Variants in H1-2 observed in about 807,000 individuals in gnomAD.
H1-2 encodes the protein histone H1.2.
Under a neutral mutation model 7.2 loss-of-function variants are expected in H1-2, and 7 were observed. The observed-to-expected ratio is 0.97, with a 90% CI of 0.55 to 1.82. H1-2 has a LOEUF of 1.82. H1-2 is among the 40% of genes most tolerant of loss of function. The probability of loss-of-function intolerance (pLI) is 0.00; values close to 1 mark genes in which losing one functional copy is unlikely to be tolerated. For synonymous variants in H1-2, 300 were observed against 118.2 expected, an observed-to-expected ratio of 2.54 and a Z score of -9.98; for missense variants, 703 against 276.6, an observed-to-expected ratio of 2.54 and a Z score of -10.94.
Position 26,056,302 on chromosome 6 carries a change from G to A in H1-2, c.127C>T (p.Leu43Phe), listed in dbSNP as rs371558085. The A allele has an allele frequency of 1.4e-5, 22 of 1,614,030 alleles. No individual in the cohort carries two copies. The highest frequency in any genetic ancestry group is 1.8e-5 in the Non-Finnish European group (21 of 1,179,980). The part of the protein sequence containing the change: ...RKASGPPVSE[L>F]ITKAVAASKE... Reference sequence around the variant, plus strand: ...GAGGCGGCCACAGCCTTGGTGATGAGCTCTGACACCGGGGGACCAGACGCC... The same window carrying A: ...GAGGCGGCCACAGCCTTGGTGATGAACTCTGACACCGGGGGACCAGACGCC... The change falls in exon 1 of 1, where the codon CTC becomes TTC. Residue 43 changes from leucine (L) to phenylalanine (F), a missense_variant. Physicochemically the swap from Leu to Phe is conservative, Grantham distance 22. Coordinates refer to ENST00000343677, the MANE Select transcript of H1-2 (RefSeq NM_005319.4).
rs750505144 is a variant in H1-2, at chr6:26,055,796, C to T, written c.633G>A (p.Lys211=). The T allele has an allele frequency of 3.3e-5, 53 of 1,592,846 alleles. No individual in the cohort carries two copies. Among genetic ancestry groups the T allele is most frequent in the Admixed American group, 1.9e-4 (10 of 53,026 alleles). Residue 211 remains lysine (K), a synonymous_variant, in exon 1 of 1, where the codon AAG becomes AAA. Coordinates refer to ENST00000343677, the MANE Select transcript of H1-2 (RefSeq NM_005319.4). ...AGAAGTAGGCGTTCGCCTATTTCTT[C>T]TTGGGCGCCGCCTTCTTAGGCTTGA... ...KVVKPKKAAP[K]KK
chr6:26,056,361 T>G lies in H1-2; in HGVS notation c.68A>C (p.Lys23Thr), dbSNP rs772747489. Residue 23 changes from lysine to threonine, a missense_variant, in exon 1 of 1, where the codon AAG (lysine) becomes ACG (threonine). By Grantham distance (78) the Lys-to-Thr change is moderately conservative. Coordinates refer to ENST00000343677, the MANE Select transcript of H1-2 (RefSeq NM_005319.4). ...CGTACCCCCAGCCTTTTTGGCCGCC[T>G]TCTTCTTTACAGGGGCCTTCTCCGC... The part of the protein sequence containing the change: ...PPAEKAPVKK[K>T]AAKKAGGTPR... The G allele has an allele frequency of 1.1e-4, 183 of 1,613,168 alleles. No homozygotes were observed. The highest frequency in any genetic ancestry group is 1.4e-4 in the Non-Finnish European group (161 of 1,179,628).
Position 26,056,102 on chromosome 6 carries a change from C to G in H1-2, c.327G>C (p.Lys109Asn). Reference protein sequence around the residue: ...TGASGSFKLNKKAASGEAKPK... With the variant: ...TGASGSFKLNNKAASGEAKPK... Reference sequence around the variant, plus strand: ...GCTTGGCTTCCCCGGAGGCTGCCTTCTTGTTGAGTTTAAAGGAGCCAGAAG... The same window carrying G: ...GCTTGGCTTCCCCGGAGGCTGCCTTGTTGTTGAGTTTAAAGGAGCCAGAAG... Residue 109 changes from lysine to asparagine, a missense_variant, in exon 1 of 1, where the codon AAG (lysine) becomes AAC (asparagine). Coordinates refer to ENST00000343677, the MANE Select transcript of H1-2 (RefSeq NM_005319.4). The G allele has an allele frequency of 2.5e-6, 4 of 1,614,194 alleles. No individual in the cohort carries two copies. The highest frequency in any genetic ancestry group is 3.4e-6 in the Non-Finnish European group (4 of 1,180,026).
At position 26,056,260 on chromosome 6, in the gene H1-2, C is replaced by T. The variant is rs1581645968; in HGVS notation, c.169G>A (p.Val57Ile). The change falls in exon 1 of 1, where the codon GTT becomes ATT. Residue 57 changes from valine to isoleucine, a missense_variant. By Grantham distance (29) the Val-to-Ile change is conservative (BLOSUM62 3). Transcript: ENST00000343677. The part of the protein sequence containing the change: ...AVAASKERSG[V>I]SLAALKKALA... ...GCTTTTTTCAGAGCAGCCAGAGAAA[C>T]TCCGCTACGCTCTTTAGAGGCGGCC... is the stretch of plus-strand genomic sequence containing the variant. 6.2e-6 allele frequency: 10 copies of T among 1,614,266 alleles called. No homozygotes were observed. The highest frequency in any genetic ancestry group is 5.9e-6 in the Non-Finnish European group (7 of 1,180,050).
Position 26,056,094 on chromosome 6 carries a change from G to A in H1-2, c.335C>T (p.Ala112Val), listed in dbSNP as rs147786267. Reference sequence around the variant, plus strand: ...AACCTTGGGCTTGGCTTCCCCGGAGGCTGCCTTCTTGTTGAGTTTAAAGGA... The same window carrying A: ...AACCTTGGGCTTGGCTTCCCCGGAGACTGCCTTCTTGTTGAGTTTAAAGGA... The part of the protein sequence containing the change: ...SGSFKLNKKA[A>V]SGEAKPKVKK... Residue 112 changes from alanine to valine, a missense_variant, in exon 1 of 1, where the codon GCC becomes GTC. Coordinates refer to ENST00000343677, the MANE Select transcript of H1-2 (RefSeq NM_005319.4). 2.7e-5 allele frequency: 44 copies of A among 1,614,196 alleles called. No homozygotes were observed. Among genetic ancestry groups the A allele is most frequent in the African/African-American group, 9.3e-5 (7 of 75,062 alleles).
Position 26,056,448 on chromosome 6 carries a change from G to A in H1-2, c.-20C>T, listed in dbSNP as rs778395124. On this transcript the variant is annotated 5_prime_UTR_variant, in exon 1 of 1. Transcript: ENST00000343677. ...GGACATGTTGAGAATCAAAAACTCG[G>A]GTACAAGTGGCAAAGCGCCGATGAA... The A allele has an allele frequency of 1.4e-5, 21 of 1,548,734 alleles. No individual in the cohort carries two copies. Among genetic ancestry groups the A allele is most frequent in the Middle Eastern group, 3.5e-4 (2 of 5,720 alleles).
Position 26,056,106 on chromosome 6 carries a change from T to G in H1-2, c.323A>C (p.Asn108Thr), listed in dbSNP as rs752635916. 1.2e-6 allele frequency: 2 copies of G among 1,614,208 alleles called. No individual in the cohort carries two copies. Among genetic ancestry groups the G allele is most frequent in the Non-Finnish European group, 1.7e-6 (2 of 1,180,036 alleles). The change falls in exon 1 of 1, where the codon AAC (asparagine) becomes ACC (threonine). Residue 108 changes from asparagine (N) to threonine (T), a missense_variant. By Grantham distance (65) the Asn-to-Thr change is moderately conservative. Coordinates refer to ENST00000343677, the MANE Select transcript of H1-2 (RefSeq NM_005319.4). The part of the protein sequence containing the change: ...GTGASGSFKL[N>T]KKAASGEAKP... Reference sequence around the variant, plus strand: ...GGCTTCCCCGGAGGCTGCCTTCTTGTTGAGTTTAAAGGAGCCAGAAGCACC... The same window carrying G: ...GGCTTCCCCGGAGGCTGCCTTCTTGGTGAGTTTAAAGGAGCCAGAAGCACC...
rs373098851 is a variant in H1-2 at position 26,055,750 on chromosome 6, G to C, written c.*37C>G. 6.5e-7 allele frequency: 1 copy of C among 1,547,542 alleles called. No individual in the cohort carries two copies. Among genetic ancestry groups the C allele is most frequent in the Non-Finnish European group, 8.7e-7 (1 of 1,147,316 alleles). On this transcript the variant is annotated 3_prime_UTR_variant, in exon 1 of 1. Coordinates refer to ENST00000343677, the MANE Select transcript of H1-2 (RefSeq NM_005319.4). ...TTTTATTGAGATCAGTGGTGGCTCT[G>C]AAAAGAGCCTTTTGGGTTTTAGAAG...
In H1-2 at chr6:26,056,288, A is replaced by G. The variant is rs1581646032; in HGVS notation, c.141T>C (p.Ala47=). The G allele has an allele frequency of 6.2e-7, 1 of 1,614,164 alleles. No individual in the cohort carries two copies. Among genetic ancestry groups the G allele is most frequent in the Non-Finnish European group, 8.5e-7 (1 of 1,179,990 alleles). Residue 47 remains alanine (A), a synonymous_variant, in exon 1 of 1, where the codon GCT becomes GCC. Coordinates refer to ENST00000343677, the MANE Select transcript of H1-2 (RefSeq NM_005319.4). ...CGCTACGCTCTTTAGAGGCGGCCAC[A>G]GCCTTGGTGATGAGCTCTGACACCG... The part of the protein sequence containing the change: ...GPPVSELITK[A]VAASKERSGV...
Position 26,055,899 on chromosome 6 carries a change from G to A in H1-2, c.530C>T (p.Ala177Val), listed in dbSNP as rs751037091. Residue 177 changes from alanine to valine, a missense_variant, in exon 1 of 1, where the codon GCC (alanine) becomes GTC (valine). Physicochemically the swap from Ala to Val is moderately conservative, Grantham distance 64. Coordinates refer to ENST00000343677, the MANE Select transcript of H1-2 (RefSeq NM_005319.4). ...TKKVAKSPKK[A>V]KVAKPKKAAK... Reference sequence around the variant, plus strand: ...AGCTTTCTTGGGCTTCGCAACCTTGGCCTTCTTTGGGCTCTTAGCCACTTT... The same window carrying A: ...AGCTTTCTTGGGCTTCGCAACCTTGACCTTCTTTGGGCTCTTAGCCACTTT... 13 of 1,614,038 alleles carry A rather than the reference G, an allele frequency of 8.1e-6. No homozygotes were observed. The highest frequency in any genetic ancestry group is 5.5e-5 in the South Asian group (5 of 91,080).
Position 26,056,055 on chromosome 6 carries a change from C to T in H1-2, c.374G>A (p.Gly125Glu), listed in dbSNP as rs1459637809. The T allele has an allele frequency of 6.2e-7, 1 of 1,614,148 alleles. No homozygotes were observed. The change falls in exon 1 of 1, where the codon GGA becomes GAA. Residue 125 changes from glycine (G) to glutamate (E), a missense_variant. Transcript: ENST00000343677. ...CCCAACTGGCTTCTTAGGTTTGGTT[C>T]CGCCCGCCTTTTTAACCTTGGGCTT... ...EAKPKVKKAG[G>E]TKPKKPVGAA...
Position 26,056,117 on chromosome 6 carries a change from G to C in H1-2, c.312C>G (p.Ser104=). 6.2e-7 allele frequency: 1 copy of C among 1,614,216 alleles called. No homozygotes were observed. The highest frequency in any genetic ancestry group is 8.5e-7 in the Non-Finnish European group (1 of 1,180,038). ...AGGCTGCCTTCTTGTTGAGTTTAAA[G>C]GAGCCAGAAGCACCGGTGCCTTTCG... ...VQTKGTGASG[S]FKLNKKAASG... is the part of the protein sequence containing the mutation. Residue 104 remains serine, a synonymous_variant, in exon 1 of 1, where the codon TCC becomes TCG. Transcript: ENST00000343677.
Position 26,056,189 on chromosome 6 carries a change from G to T in H1-2, c.240C>A (p.Ile80=). 6.2e-7 allele frequency: 1 copy of T among 1,614,208 alleles called. No individual in the cohort carries two copies. Among genetic ancestry groups the T allele is most frequent in the Non-Finnish European group, 8.5e-7 (1 of 1,180,038 alleles). Residue 80 remains isoleucine (I), a synonymous_variant, in exon 1 of 1, where the codon ATC becomes ATA. Transcript: ENST00000343677. ...TCACCAGGCTCTTGAGACCAAGTTT[G>T]ATACGGCTGTTGTTTTTCTCCACAT... is the stretch of plus-strand genomic sequence containing the variant. ...GYDVEKNNSR[I]KLGLKSLVSK... is the part of the protein sequence containing the mutation.
chr6:26,056,384 C>A lies in H1-2; in HGVS notation c.45G>T (p.Ala15=). 1.2e-6 allele frequency: 2 copies of A among 1,603,276 alleles called. No homozygotes were observed. The highest frequency in any genetic ancestry group is 1.7e-6 in the Non-Finnish European group (2 of 1,174,802). ...APAAPAAAPP[A]EKAPVKKKAA... ...CCTTCTTCTTTACAGGGGCCTTCTCCGCAGGAGGCGCGGCAGCGGGAGCGG... is the reference window on the plus strand; with the variant it reads ...CCTTCTTCTTTACAGGGGCCTTCTCAGCAGGAGGCGCGGCAGCGGGAGCGG... Residue 15 remains alanine, a synonymous_variant, in exon 1 of 1, where the codon GCG becomes GCT. Transcript: ENST00000343677.
chr6:26,056,047 GTTTGGTTC>G lies in H1-2; in HGVS notation c.374_381del (p.Gly125AlafsTer2). On this transcript the variant is annotated frameshift_variant, in exon 1 of 1. Coordinates refer to ENST00000343677, the MANE Select transcript of H1-2 (RefSeq NM_005319.4). LOFTEE classifies it high-confidence loss of function. ...TTGGCTGCCCCAACTGGCTTCTTAG[GTTTGGTTC>G]CGCCCGCCTTTTTAACCTTGGGCTT... The G allele has an allele frequency of 6.2e-7, 1 of 1,614,132 alleles. No homozygotes were observed. The highest frequency in any genetic ancestry group is 8.5e-7 in the Non-Finnish European group (1 of 1,180,034).
Position 26,056,095 on chromosome 6 carries a change from C to T in H1-2, c.334G>A (p.Ala112Thr), listed in dbSNP as rs770255220. 24 of 1,614,102 alleles carry T rather than the reference C, an allele frequency of 1.5e-5. No homozygotes were observed. The East Asian group carries it at 4.0e-4, about 27-fold the overall frequency. The change falls in exon 1 of 1, where the codon GCC becomes ACC. Residue 112 changes from alanine to threonine, a missense_variant. Transcript: ENST00000343677. Reference sequence around the variant, plus strand: ...ACCTTGGGCTTGGCTTCCCCGGAGGCTGCCTTCTTGTTGAGTTTAAAGGAG... The same window carrying T: ...ACCTTGGGCTTGGCTTCCCCGGAGGTTGCCTTCTTGTTGAGTTTAAAGGAG... ...SGSFKLNKKA[A>T]SGEAKPKVKK...
rs149712381 is a variant in H1-2 at position 26,056,013 on chromosome 6, T to G, written c.416A>C (p.Lys139Thr). The G allele has an allele frequency of 1.9e-6, 3 of 1,613,554 alleles. No individual in the cohort carries two copies. The highest frequency in any genetic ancestry group is 2.5e-6 in the Non-Finnish European group (3 of 1,179,724). The change falls in exon 1 of 1, where the codon AAG (lysine) becomes ACG (threonine). Residue 139 changes from lysine (K) to threonine (T), a missense_variant. Lys to Thr is a moderately conservative substitution (Grantham distance 78). Coordinates refer to ENST00000343677, the MANE Select transcript of H1-2 (RefSeq NM_005319.4). ...CGGAGTTGCGCCGCCAGCCGCCTTC[T>G]TGGGCTTCTTGGCTGCCCCAACTGG... ...KKPVGAAKKP[K>T]KAAGGATPKK...
rs200833367 is a variant in H1-2, at chr6:26,056,358, G to A, written c.71C>T (p.Ala24Val). 179 of 1,613,342 alleles carry A rather than the reference G, an allele frequency of 1.1e-4. No individual in the cohort carries two copies. The East Asian group carries it at 2.2e-3, about 19-fold the overall frequency. ...AGGCGTACCCCCAGCCTTTTTGGCC[G>A]CCTTCTTCTTTACAGGGGCCTTCTC... is the stretch of plus-strand genomic sequence containing the variant. Reference protein sequence around the residue: ...PAEKAPVKKKAAKKAGGTPRK... With the variant: ...PAEKAPVKKKVAKKAGGTPRK... The change falls in exon 1 of 1, where the codon GCG (alanine) becomes GTG (valine). Residue 24 changes from alanine to valine, a missense_variant. By Grantham distance (64) the Ala-to-Val change is moderately conservative. Coordinates refer to ENST00000343677, the MANE Select transcript of H1-2 (RefSeq NM_005319.4).
At position 26,055,767 on chromosome 6, in the gene H1-2, T is replaced by A. The variant is rs1761899178; in HGVS notation, c.*20A>T. 1 of 1,576,582 alleles carries A rather than the reference T, an allele frequency of 6.3e-7. No individual in the cohort carries two copies. Among genetic ancestry groups the A allele is most frequent in the East Asian group, 2.2e-5 (1 of 44,752 alleles). On this transcript the variant is annotated 3_prime_UTR_variant, in exon 1 of 1. Coordinates refer to ENST00000343677, the MANE Select transcript of H1-2 (RefSeq NM_005319.4). ...GTGGCTCTGAAAAGAGCCTTTTGGG[T>A]TTTAGAAGTAGGCGTTCGCCTATTT...
Sources: allele counts gnomAD v4.1 joint callset, GRCh38; gene constraint gnomAD v4.1.1; transcripts MANE v1.5; gene names NCBI Gene and HGNC (gene_info 2026-07-23, HGNC 2026-07-21).